The following WASF2 variants were observed in gnomAD, a reference collection of about 807,000 sequenced individuals.
The protein encoded by WASF2 is WASP family member 2.
Under a neutral mutation model 45.0 loss-of-function variants are expected in WASF2, and 14 were observed. That is an observed-to-expected ratio of 0.31 (90% CI 0.21 to 0.49). WASF2 has a LOEUF of 0.49. Ranked by LOEUF, WASF2 falls within the 20% of genes least tolerant of loss-of-function variation. The pLI, the probability that WASF2 is intolerant of heterozygous loss-of-function variation, is 0.99. For synonymous variants in WASF2, 200 were observed against 236.3 expected (o/e 0.85, Z 1.41); for missense variants, 439 against 636.1 (o/e 0.69, Z 3.33).
rs1181228141 is a variant in WASF2 at position 27,405,648 on chromosome 1, T to A, written c.*2541A>T. The A allele has an allele frequency of 8.2e-6, 1 of 121,886 alleles. No homozygotes were observed. The highest frequency in any genetic ancestry group is 1.6e-5 in the Non-Finnish European group (1 of 63,208). The allele number at this position is 121,886 out of a possible 1,614,324, so 7.6% of individuals were successfully genotyped here. ...TTTTTTTTTGGTGCATATGCATAAG[T>A]GGAGCCCAGAGGGCCTCTCGGCTCA... On this transcript the variant is annotated 3_prime_UTR_variant, in exon 9 of 9. Transcript: ENST00000618852.
chr1:27,432,682 T>C (rs1238283228), intron 1 of WASF2, among the ~76,000 whole-genome samples: 1 of 150,734 alleles, frequency 6.6e-6, no homozygotes, highest in Non-Finnish European at 1.5e-5. Flanking sequence ...GAGGCAGTTA[T>C]TTGTGGTTCC....
intron 1 of WASF2, among the ~76,000 whole-genome samples, chr1:27,485,856 C>T (rs1413578730): frequency 2.0e-5 from 3 of 152,136 alleles, no homozygotes; most frequent in African/African-American, 4.8e-5. Context: ...GGATTACAGG[C>T]GTGCACCACC....
chr1:27,481,044 C>CAAAAACAA (rs2017841159), intron 1 of WASF2, among the ~76,000 whole-genome samples: 1 of 136,098 alleles, frequency 7.3e-6, no homozygotes, highest in South Asian at 2.3e-4. Context: ...TCTCAAAAAA[C>CAAAAACAA]AAAAACAAAA....
chr1:27,457,358 C>G (rs1017027324), intron 1 of WASF2: 1 of 151,874 alleles, frequency 6.6e-6, no homozygotes, highest in Non-Finnish European at 1.5e-5. Context: ...GGTGGATCCC[C>G]TGAGCTCAGG....
intron 1 of WASF2, among the ~76,000 whole-genome samples, chr1:27,447,310 G>C (rs1463256037): frequency 2.0e-5 from 3 of 152,116 alleles, no homozygotes; most frequent in African/African-American, 7.2e-5. Context: ...CTCCAAATTA[G>C]AACAGTTCTA....
intron 2 of WASF2, among the ~76,000 whole-genome samples, chr1:27,419,680 A>C (rs72882778): frequency 6.6e-6 from 1 of 152,130 alleles, no homozygotes; most frequent in Non-Finnish European, 1.5e-5. Flanking sequence ...TACCTTATAA[A>C]ACGGTTCTGA....
intron 1 of WASF2, among the ~76,000 whole-genome samples, chr1:27,476,028 C>A (rs2017761276): frequency 6.6e-6 from 1 of 152,160 alleles, no homozygotes; most frequent in African/African-American, 2.4e-5. Context: ...TGAGTTGTAT[C>A]CTTAGTAGTA....
rs1011653694 is a variant in WASF2, at chr1:27,419,092, G to A, written c.131-4C>T. The A allele has an allele frequency of 6.2e-7, 1 of 1,613,058 alleles. No homozygotes were observed. The highest frequency in any genetic ancestry group is 8.5e-7 in the Non-Finnish European group (1 of 1,179,322). On this transcript the variant is annotated splice_polypyrimidine_tract_variant and splice_region_variant and intron_variant, in intron 2 of 8. Transcript: ENST00000618852. Reference sequence around the variant, plus strand: ...AAAATGTCCTCTGCATATTTACCTGGAAAGAGCAAAGAAACCAAGTCACTA... The same window carrying A: ...AAAATGTCCTCTGCATATTTACCTGAAAAGAGCAAAGAAACCAAGTCACTA...
chr1:27,459,365 T>C (rs1222227187), intron 1 of WASF2: 1 of 152,122 alleles, frequency 6.6e-6, no homozygotes, highest in Non-Finnish European at 1.5e-5. Context: ...TCTGGCTATG[T>C]TATCCAGGCT....
chr1:27,447,479 CTG>C (rs1254777914), intron 1 of WASF2, among the ~76,000 whole-genome samples: 5 of 152,190 alleles, frequency 3.3e-5, no homozygotes, highest in African/African-American at 1.2e-4. Context: ...ATGAGGCTGG[CTG>C]TGATTAATTC....
chr1:27,440,871 C>CA (rs2017215576), intron 1 of WASF2, among the ~76,000 whole-genome samples: 1 of 146,830 alleles, frequency 6.8e-6, no homozygotes, highest in Non-Finnish European at 1.5e-5. Context: ...GATCATAACA[C>CA]TTTTTTTTTT....
chr1:27,471,457 C>G (rs2017688087), intron 1 of WASF2, among the ~76,000 whole-genome samples: 1 of 151,890 alleles, frequency 6.6e-6, no homozygotes, highest in African/African-American at 2.4e-5. Flanking sequence ...GTTCAAGACC[C>G]TTGGCTCCAC....
At chr1:27,421,903 G>A (rs1434322458) in intron 2 of WASF2, among the ~76,000 whole-genome samples, 1 of 152,060 alleles carries the variant, frequency 6.6e-6, no homozygotes, top group African/African-American at 2.4e-5. Flanking sequence ...TTGAACTTGG[G>A]AGGCAGAGGT....
At chr1:27,488,377 G>C (rs909182337) in intron 1 of WASF2, among the ~76,000 whole-genome samples, 2 of 152,218 alleles carry the variant, frequency 1.3e-5, no homozygotes, top group South Asian at 2.1e-4. Context: ...AATCAGAGGT[G>C]GGCTATTGAA....
Position 27,409,848 on chromosome 1 carries a change from G to GAGGAGT in WASF2, c.1182_1183insACTCCT (p.Pro394_Pro395insThrPro). On this transcript the variant is annotated inframe_insertion, in exon 8 of 9. Transcript: ENST00000618852. ...GGGGGCCCCGGAGGAGGAGGAGGAG[G>GAGGAGT]GGGAGGAGGAGGTGCTCCTCCTGTT... The GAGGAGT allele has an allele frequency of 6.5e-7, 1 of 1,548,410 alleles. No individual in the cohort carries two copies. The highest frequency in any genetic ancestry group is 8.7e-7 in the Non-Finnish European group (1 of 1,143,956).
chr1:27,472,667 AAAAAAAAG>A (rs1289504140), intron 1 of WASF2, among the ~76,000 whole-genome samples: 2 of 146,174 alleles, frequency 1.4e-5, no homozygotes, highest in African/African-American at 2.6e-5. Flanking sequence ...AAAAAAAAAA[AAAAAAAAG>A]GGGAAATCAG....
At chr1:27,486,856 G>A (rs905165263) in intron 1 of WASF2, among the ~76,000 whole-genome samples, 4 of 151,276 alleles carry the variant, frequency 2.6e-5, no homozygotes, top group African/African-American at 9.7e-5. Context: ...CCTGGGAGGC[G>A]GAGGTTGCAG....
intron 1 of WASF2, among the ~76,000 whole-genome samples, chr1:27,456,691 G>A (rs960526660): frequency 6.6e-6 from 1 of 150,642 alleles, no homozygotes; most frequent in Non-Finnish European, 1.5e-5. Context: ...TCTGGAAGAA[G>A]TTAAGTAAAA....
chr1:27,463,811 T>C (rs963233048), intron 1 of WASF2, among the ~76,000 whole-genome samples: 1 of 149,868 alleles, frequency 6.7e-6, no homozygotes, highest in Non-Finnish European at 1.5e-5. Context: ...ATTATTTTTT[T>C]TTTTTTTTGA....
Sources: allele counts gnomAD v4.1 joint callset (sites outside exome capture counted in the v4.1 genomes callset), GRCh38; gene constraint gnomAD v4.1.1; transcripts MANE v1.5; gene names NCBI Gene and HGNC (gene_info 2026-07-23, HGNC 2026-07-21).